ABTB3: variants seen among roughly 807,000 people sequenced by gnomAD.
ABTB3 encodes the protein ankyrin repeat and BTB domain containing 3, also known as ankyrin repeat- and BTB/POZ domain-containing protein 3.
chr12:107,494,693 A>G, the ABTB3 span, among the ~76,000 whole-genome samples: 1 of 152,114 alleles, frequency 6.6e-6, no homozygotes, highest in South Asian at 2.1e-4. Context: ...GCTCTGGAAT[A>G]CCAGATTATT....
At chr12:107,552,227 A>G in the ABTB3 span, among the ~76,000 whole-genome samples, 1 of 152,216 alleles carries the variant, frequency 6.6e-6, no homozygotes, top group African/African-American at 2.4e-5. Flanking sequence ...CCTAGCCATT[A>G]GTCTGTTTTG....
chr12:107,411,826 G>C, the ABTB3 span, among the ~76,000 whole-genome samples: 1 of 151,944 alleles, frequency 6.6e-6, no homozygotes, highest in African/African-American at 2.4e-5. Flanking sequence ...TCCAGCTGCG[G>C]CTTGATCTAT....
the ABTB3 span, among the ~76,000 whole-genome samples, chr12:107,354,716 G>A: frequency 6.6e-6 from 1 of 152,160 alleles, no homozygotes; most frequent in South Asian, 2.1e-4. Context: ...AGTCCTCTGA[G>A]CAGTGTACGA....
the ABTB3 span, among the ~76,000 whole-genome samples, chr12:107,644,536 T>C: frequency 6.6e-6 from 1 of 152,176 alleles, no homozygotes; most frequent in African/African-American, 2.4e-5. Context: ...GGGTGCTTGT[T>C]AAAACACAGA....
At chr12:107,543,017 G>A in the ABTB3 span, among the ~76,000 whole-genome samples, 3 of 152,132 alleles carry the variant, frequency 2.0e-5, no homozygotes, top group Non-Finnish European at 2.9e-5. Flanking sequence ...AGGGTGAACT[G>A]TACACTGTTT....
chr12:107,637,771 C>T, the ABTB3 span, among the ~76,000 whole-genome samples: 101 of 144,010 alleles, frequency 7.0e-4, no homozygotes, highest in Middle Eastern at 7.0e-3. Context: ...TGTGGCAAAT[C>T]GGAGAGCACT....
chr12:107,427,557 T>C, the ABTB3 span, among the ~76,000 whole-genome samples: 1 of 152,182 alleles, frequency 6.6e-6, no homozygotes, highest in Admixed American at 6.5e-5. Flanking sequence ...TGTGTCCCTC[T>C]TATAAGCACG....
At chr12:107,526,724 G>T in the ABTB3 span, among the ~76,000 whole-genome samples, 3 of 152,032 alleles carry the variant, frequency 2.0e-5, no homozygotes, top group African/African-American at 7.2e-5. Flanking sequence ...AGGCAATTAG[G>T]CAATCAAAAC....
chr12:107,578,383 CTTTTTTTTTTTTTTTTTTTT>C, the ABTB3 span, among the ~76,000 whole-genome samples: 2 of 57,196 alleles, frequency 3.5e-5, no homozygotes, highest in East Asian at 6.9e-4. Context: ...CTTTCTTCTT[CTTTTTTTTTTTTTTTTTTTT>C]TTTTTTTTTT....
At chr12:107,452,232 G>A in the ABTB3 span, among the ~76,000 whole-genome samples, 2 of 130,410 alleles carry the variant, frequency 1.5e-5, no homozygotes, top group Admixed American at 1.8e-4. Context: ...TTTTTGAGAC[G>A]GAGTCTCACT....
the ABTB3 span, chr12:107,320,158 G>A: frequency 7.4e-7 from 1 of 1,342,288 alleles, no homozygotes; most frequent in Non-Finnish European, 9.7e-7. Flanking sequence ...CCCCTCCCGC[G>A]TCTTCCCAGC....
chr12:107,507,662 T>A, the ABTB3 span, among the ~76,000 whole-genome samples: 1 of 152,176 alleles, frequency 6.6e-6, no homozygotes, highest in East Asian at 1.9e-4. Flanking sequence ...TTCAACTCAG[T>A]GTGCCAGCCA....
At chr12:107,415,533 C>A in the ABTB3 span, among the ~76,000 whole-genome samples, 3 of 151,654 alleles carry the variant, frequency 2.0e-5, no homozygotes, top group Admixed American at 2.0e-4. Context: ...ATGGTGAAAC[C>A]CCGTCTCTAC....
At chr12:107,444,666 A>G in the ABTB3 span, among the ~76,000 whole-genome samples, 3 of 152,344 alleles carry the variant, frequency 2.0e-5, no homozygotes, top group African/African-American at 7.2e-5. Context: ...TCGAGATGAA[A>G]TTAACCATGT....
At chr12:107,608,911 A>AT in the ABTB3 span, among the ~76,000 whole-genome samples, 1 of 101,950 alleles carries the variant, frequency 9.8e-6, no homozygotes, top group Admixed American at 1.1e-4. Flanking sequence ...ATAAAATAAA[A>AT]TAAAATAAAA....
chr12:107,360,557 G>A, the ABTB3 span, among the ~76,000 whole-genome samples: 2 of 152,154 alleles, frequency 1.3e-5, no homozygotes, highest in Non-Finnish European at 2.9e-5. Flanking sequence ...AGTGCCCCAA[G>A]CTCCAACACA....
At chr12:107,608,968 TATAAAATAAA>T in the ABTB3 span, among the ~76,000 whole-genome samples, 556 of 101,646 alleles carry the variant, frequency 5.5e-3, 7 homozygotes, top group African/African-American at 9.6e-3. Context: ...TAAAATAAAA[TATAAAATAAA>T]ATAAAATAAA....
chr12:107,474,942 C>T, the ABTB3 span, among the ~76,000 whole-genome samples: 1 of 152,154 alleles, frequency 6.6e-6, no homozygotes, highest in African/African-American at 2.4e-5. Flanking sequence ...GTCCCATCAG[C>T]CCACCCTAGG....
At chr12:107,580,947 CG>C in the ABTB3 span, 2 of 1,551,636 alleles carry the variant, frequency 1.3e-6, no homozygotes, top group Non-Finnish European at 8.7e-7. Context: ...GAGCCTGCCC[CG>C]GGGTCACCGG....
Sources: gnomAD v4.1 joint callset for allele counts (sites outside exome capture counted in the v4.1 genomes callset) on GRCh38, gnomAD v4.1.1 for gene constraint, MANE v1.5 for transcripts, NCBI Gene and HGNC (gene_info 2026-07-23, HGNC 2026-07-21) for gene names.